The following CAPRIN1 variants were observed in gnomAD, a reference collection of about 807,000 sequenced individuals.
CAPRIN1 encodes cell cycle associated protein 1.
A neutral mutation model predicts 100.9 loss-of-function variants in CAPRIN1; 29 were observed. That is an observed-to-expected ratio of 0.29 (90% CI 0.21 to 0.39). The LOEUF is 0.39. Among genes scored for constraint, CAPRIN1 ranks in the 10% least tolerant of loss-of-function variants. CAPRIN1 has a pLI of 1.00. For missense variants in CAPRIN1, 795 were observed against 876.7 expected (o/e 0.91, Z 1.18); for synonymous variants, 338 against 307.5 (o/e 1.10, Z -1.04).
chr11:34,069,144 T>G (rs1850759641), intron 2 of CAPRIN1, among the ~76,000 whole-genome samples: 1 of 150,412 alleles, frequency 6.6e-6, no homozygotes, highest in African/African-American at 2.5e-5. Context: ...AATTCAAAAC[T>G]TATTTAGTTT....
At chr11:34,076,184 A>C in intron 4 of CAPRIN1, 52 bp from the exon 5 acceptor site, 2 of 1,353,338 alleles carry the variant, frequency 1.5e-6, no homozygotes, top group Non-Finnish European at 2.1e-6. Context: ...AATGGATTGA[A>C]CTAAGTTTTA....
intron 2 of CAPRIN1, among the ~76,000 whole-genome samples, chr11:34,062,347 C>T (rs1299895773): frequency 3.3e-5 from 5 of 152,170 alleles, no homozygotes; most frequent in South Asian, 2.1e-4. Context: ...AAGATTGGAC[C>T]GGGCGCGGTG....
At chr11:34,082,179 ATTTTTAT>A (rs1851046025) in intron 7 of CAPRIN1, among the ~76,000 whole-genome samples, 1 of 149,084 alleles carries the variant, frequency 6.7e-6, no homozygotes, top group African/African-American at 2.6e-5. Flanking sequence ...AATAGACTTT[ATTTTTAT>A]TTTTTATTTT....
intron 4 of CAPRIN1, 93 bp downstream of exon 4, chr11:34,072,080 G>T: frequency 1.3e-6 from 1 of 759,780 alleles, no homozygotes; most frequent in Non-Finnish European, 2.2e-6. Flanking sequence ...TCTCTGCAAG[G>T]TGAGACAGTT....
At chr11:34,079,529 GT>G in intron 6 of CAPRIN1, 98 bp from the exon 7 acceptor site, 2 of 951,934 alleles carry the variant, frequency 2.1e-6, no homozygotes, top group Non-Finnish European at 3.2e-6. Context: ...TTTAGTAACA[GT>G]TATTTTTTAA....
intron 7 of CAPRIN1, 85 bp from the exon 8 acceptor site, chr11:34,082,740 C>A: frequency 3.3e-6 from 3 of 897,440 alleles, no homozygotes; most frequent in Non-Finnish European, 5.4e-6. Context: ...TGCATAATGA[C>A]GTGTATCTAC....
intron 12 of CAPRIN1, 40 bp from the exon 13 acceptor site, chr11:34,090,139 G>A (rs1186119037): frequency 3.8e-6 from 5 of 1,328,140 alleles, no homozygotes; most frequent in Non-Finnish European, 5.4e-6. Context: ...AGTCAATTTT[G>A]TAAGCAGGAA....
intron 7 of CAPRIN1, among the ~76,000 whole-genome samples, chr11:34,081,892 A>T (rs1489731066): frequency 6.6e-6 from 1 of 152,008 alleles, no homozygotes; most frequent in Non-Finnish European, 1.5e-5. Flanking sequence ...GCTTGCTGCA[A>T]CCTCTGCCTC....
intron 18 of CAPRIN1, chr11:34,098,510 C>A: frequency 2.0e-6 from 2 of 985,298 alleles, no homozygotes; most frequent in Non-Finnish European, 2.4e-6. Flanking sequence ...GGTTAAACAT[C>A]AAACAGGTTT....
At chr11:34,053,708 G>A (rs1023075177) in intron 2 of CAPRIN1, 1 of 152,142 alleles carries the variant, frequency 6.6e-6, no homozygotes, top group Non-Finnish European at 1.5e-5. Context: ...TTTGTTTTAT[G>A]CTTTCATCGC....
At chr11:34,062,201 G>T (rs1212106862) in intron 2 of CAPRIN1, among the ~76,000 whole-genome samples, 2 of 152,126 alleles carry the variant, frequency 1.3e-5, no homozygotes, top group East Asian at 1.9e-4. Context: ...ACAATACTCA[G>T]TTGAATTTGT....
At chr11:34,083,389 A>C (rs1851070526) in intron 9 of CAPRIN1, among the ~76,000 whole-genome samples, 1 of 151,950 alleles carries the variant, frequency 6.6e-6, no homozygotes, top group Non-Finnish European at 1.5e-5. Context: ...CTCCTCCTTT[A>C]CCCTAATGCT....
At chr11:34,088,878 A>G (rs139079901) in intron 11 of CAPRIN1, among the ~76,000 whole-genome samples, 1 of 152,352 alleles carries the variant, frequency 6.6e-6, no homozygotes, top group East Asian at 1.9e-4. Context: ...CACTGCCGGT[A>G]AACCAAAATG....
chr11:34,081,922 A>G (rs1334280951), intron 7 of CAPRIN1, among the ~76,000 whole-genome samples: 2 of 151,384 alleles, frequency 1.3e-5, no homozygotes, highest in Non-Finnish European at 2.9e-5. Context: ...AGCGATTCTC[A>G]TGCCTCAGCC....
intron 2 of CAPRIN1, among the ~76,000 whole-genome samples, chr11:34,066,088 A>T (rs1342642629): frequency 6.6e-6 from 1 of 151,912 alleles, no homozygotes; most frequent in Non-Finnish European, 1.5e-5. Context: ...AGACTCAGTG[A>T]TCCTCCTACC....
rs1851461946 is a variant in CAPRIN1 at position 34,102,031 on chromosome 11, A to G, written c.*2664A>G. On this transcript the variant is annotated 3_prime_UTR_variant, in exon 19 of 19. Transcript: ENST00000341394. ...TCCAGATCCTAATAATTCCTAAAAAATATGGAAAAGTTTTTTTTCAATCAT... is the reference window on the plus strand; with the variant it reads ...TCCAGATCCTAATAATTCCTAAAAAGTATGGAAAAGTTTTTTTTCAATCAT... 6.6e-6 allele frequency among the ~76,000 whole-genome samples: 1 copy of G among 152,236 alleles called. No individual in the cohort carries two copies. Among genetic ancestry groups the G allele is most frequent in the South Asian group, 2.1e-4 (1 of 4,830 alleles).
chr11:34,091,397 A>G (rs532337872), intron 14 of CAPRIN1, among the ~76,000 whole-genome samples: 3 of 152,156 alleles, frequency 2.0e-5, no homozygotes, highest in Admixed American at 2.0e-4. Context: ...AGCGATTCTC[A>G]TGCCTCAGCC....
rs150673150 is a variant in CAPRIN1 at position 34,090,064 on chromosome 11, C to T, written c.1294-115C>T. 7.2e-4 allele frequency: 383 copies of T among 531,142 alleles called. 3 individuals carry two copies. Among genetic ancestry groups the T allele is most frequent in the African/African-American group, 6.8e-3 (352 of 51,712 alleles). The allele number at this position is 531,142 out of a possible 1,614,324, so 32.9% of individuals were successfully genotyped here. A position where few individuals can be genotyped will look rare whatever the true frequency, so the allele number is the denominator to read the frequency against. On this transcript the variant is annotated intron_variant, in intron 12 of 18. Transcript: ENST00000341394. The stretch of plus-strand genomic sequence containing the variant: ...AGAGAGATGGTAATATTAATTTCTC[C>T]CTTCTTTAGCAGTTGTATCTATTTC...
intron 2 of CAPRIN1, among the ~76,000 whole-genome samples, chr11:34,064,527 A>G (rs1387660929): frequency 6.6e-6 from 1 of 152,238 alleles, no homozygotes; most frequent in Non-Finnish European, 1.5e-5. Flanking sequence ...AAGGCCACTT[A>G]AGGAGTAAGC....
Sources: gnomAD v4.1 joint callset for allele counts (sites outside exome capture counted in the v4.1 genomes callset) on GRCh38, gnomAD v4.1.1 for gene constraint, MANE v1.5 for transcripts, NCBI Gene and HGNC (gene_info 2026-07-23, HGNC 2026-07-21) for gene names.